Variants in VIPAS39 observed in about 807,000 individuals in gnomAD.
The protein encoded by VIPAS39 is spermatogenesis-defective protein 39 homolog.
VIPAS39 carries 63 observed loss-of-function variants against 84.7 expected under a neutral mutation model. That is an observed-to-expected ratio of 0.74 (90% CI 0.61 to 0.92). The LOEUF (loss-of-function observed/expected upper bound fraction) is 0.92. VIPAS39 is among the 40% of genes least tolerant of loss of function. The pLI, the probability that VIPAS39 is intolerant of heterozygous loss-of-function variation, is 0.00. For missense variants in VIPAS39, 499 were observed against 604.5 expected (o/e 0.83, Z 1.83); for synonymous variants, 192 against 216.5 (o/e 0.89, Z 0.99).
At chr14:77,434,155 T>G in intron 15 of VIPAS39, 107 bp downstream of exon 15, 1 of 1,312,408 alleles carries the variant, frequency 7.6e-7, no homozygotes, top group South Asian at 1.2e-5. Flanking sequence ...CTTTCCACCT[T>G]TAACCTTGAA....
chr14:77,444,998 G>A (rs137889693), intron 7 of VIPAS39, among the ~76,000 whole-genome samples: 2,956 of 145,740 alleles, frequency 0.02, 51 homozygotes, highest in Middle Eastern at 0.05. Flanking sequence ...TCGCTCTGTC[G>A]CCCAGGTTGG....
intron 16 of VIPAS39, among the ~76,000 whole-genome samples, chr14:77,432,992 CT>C (rs2078547431): frequency 6.6e-6 from 1 of 151,708 alleles, no homozygotes; most frequent in Non-Finnish European, 1.5e-5. Context: ...TATGTTGTAC[CT>C]TAAATATATA....
intron 4 of VIPAS39, 124 bp from the exon 5 acceptor site, chr14:77,449,876 G>T: frequency 8.6e-7 from 1 of 1,168,548 alleles, no homozygotes; most frequent in Non-Finnish European, 1.3e-6. Flanking sequence ...GCTTAAAAAA[G>T]GTTTTATTCA....
In VIPAS39 at chr14:77,426,880, C is replaced by CAA. The variant is rs751156013; in HGVS notation, c.*735_*736insTT. The CAA allele has an allele frequency of 2.0e-5, 3 of 152,168 alleles. No homozygotes were observed. Among genetic ancestry groups the CAA allele is most frequent in the African/African-American group, 4.8e-5 (2 of 41,436 alleles). The allele number at this position is 152,168 out of a possible 1,614,324, so 9.4% of individuals were successfully genotyped here. A position where few individuals can be genotyped will look rare whatever the true frequency, so the allele number is the denominator to read the frequency against. On this transcript the variant is annotated 3_prime_UTR_variant, in exon 20 of 20. Transcript: ENST00000557658. ...AGCTCCTGGTGAAATGAGATTTTTG[C>CAA]ATAAAGAGAGAGCTCTCCAGCACTG...
At chr14:77,448,198 C>G (rs922763142) in intron 7 of VIPAS39, among the ~76,000 whole-genome samples, 1 of 152,072 alleles carries the variant, frequency 6.6e-6, no homozygotes, top group African/African-American at 2.4e-5. Flanking sequence ...TCGTGATCCA[C>G]CCTCCTCGGC....
chr14:77,454,512 T>A (rs897273933), intron 1 of VIPAS39, among the ~76,000 whole-genome samples: 99 of 152,086 alleles, frequency 6.5e-4, no homozygotes, highest in African/African-American at 2.3e-3. Context: ...CCGTCTCTAC[T>A]AAAAATACAA....
At chr14:77,431,162 G>C (rs532896795) in intron 16 of VIPAS39, among the ~76,000 whole-genome samples, 1 of 152,218 alleles carries the variant, frequency 6.6e-6, no homozygotes, top group East Asian at 1.9e-4. Flanking sequence ...CAAAGGCTCA[G>C]GCTACAAAAG....
chr14:77,435,306 C>T lies in VIPAS39; in HGVS notation c.1000G>A (p.Val334Met). ...AAGCAGGAGTAGAAAAGTGTTGTCA[C>T]TAGTGGCATGTTGAGGATGGAGGCT... is the stretch of plus-strand genomic sequence containing the variant. ...RKASILNMPL[V>M]TTLFYSCFYH... Residue 334 changes from valine (V) to methionine (M), a missense_variant, in exon 14 of 20, where the codon GTG (valine) becomes ATG (methionine). Physicochemically the swap from Val to Met is conservative, Grantham distance 21. Coordinates refer to ENST00000557658, the MANE Select transcript of VIPAS39 (RefSeq NM_001193315.2). The T allele has an allele frequency of 6.2e-7, 1 of 1,613,538 alleles. No individual in the cohort carries two copies. Among genetic ancestry groups the T allele is most frequent in the Non-Finnish European group, 8.5e-7 (1 of 1,179,940 alleles).
intron 7 of VIPAS39, among the ~76,000 whole-genome samples, chr14:77,447,269 C>G (rs995714657): frequency 2.6e-5 from 4 of 151,854 alleles, no homozygotes; most frequent in African/African-American, 9.7e-5. Context: ...AGGTGATCTG[C>G]CTGTCTTGGC....
rs192740280 is a variant in VIPAS39, at chr14:77,434,976, T to C, written c.1047+283A>G. Among the ~76,000 whole-genome samples, 86 of 151,938 alleles carry C rather than the reference T, an allele frequency of 5.7e-4. 1 individual carries two copies. The highest frequency in any genetic ancestry group is 1.8e-3 in the African/African-American group (75 of 41,434). ...CTCCACATCATGCTAATCCATTTGA[T>C]ATTGTGGACCTTTGAACAGAGACTT... On this transcript the variant is annotated intron_variant, in intron 14 of 19. Coordinates refer to ENST00000557658, the MANE Select transcript of VIPAS39 (RefSeq NM_001193315.2).
At chr14:77,448,414 A>T in intron 7 of VIPAS39, 80 bp downstream of exon 7, 1 of 1,339,580 alleles carries the variant, frequency 7.5e-7, no homozygotes, top group South Asian at 1.2e-5. Context: ...ATGAGAACTG[A>T]AGAGAGGTCA....
At chr14:77,451,116 G>T in intron 4 of VIPAS39, 71 bp downstream of exon 4, 1 of 1,605,848 alleles carries the variant, frequency 6.2e-7, no homozygotes, top group Non-Finnish European at 8.5e-7. Flanking sequence ...CAAAGTAAAT[G>T]AAAATTATGG....
At chr14:77,445,263 T>C (rs1469378223) in intron 7 of VIPAS39, among the ~76,000 whole-genome samples, 1 of 152,232 alleles carries the variant, frequency 6.6e-6, no homozygotes, top group East Asian at 1.9e-4. Flanking sequence ...CCAGCCAGTA[T>C]CTCATAGTTT....
intron 18 of VIPAS39, among the ~76,000 whole-genome samples, 192 bp from the exon 19 acceptor site, chr14:77,428,666 A>G (rs546098133): frequency 2.0e-5 from 3 of 152,258 alleles, no homozygotes; most frequent in South Asian, 4.1e-4. Flanking sequence ...CTTTGACCCA[A>G]CGCTCAAGGA....
At chr14:77,447,821 C>T (rs945838643) in intron 7 of VIPAS39, among the ~76,000 whole-genome samples, 3 of 151,802 alleles carry the variant, frequency 2.0e-5, no homozygotes, top group Admixed American at 2.0e-4. Context: ...CCACCACGCC[C>T]GCCTAATTTT....
At chr14:77,438,975 A>G (rs2078658277) in intron 11 of VIPAS39, among the ~76,000 whole-genome samples, 1 of 152,260 alleles carries the variant, frequency 6.6e-6, no homozygotes, top group Admixed American at 6.5e-5. Flanking sequence ...GTTCATATAA[A>G]ATAGTTGGTA....
chr14:77,433,121 T>C (rs932895975), intron 16 of VIPAS39, among the ~76,000 whole-genome samples: 3 of 152,164 alleles, frequency 2.0e-5, no homozygotes, highest in Non-Finnish European at 4.4e-5. Flanking sequence ...AAAGTAGCTA[T>C]AAATAACTAA....
At chr14:77,435,194 T>C in intron 14 of VIPAS39, 65 bp downstream of exon 14, 1 of 1,608,464 alleles carries the variant, frequency 6.2e-7, no homozygotes, top group Non-Finnish European at 8.5e-7. Flanking sequence ...ATAAAAGTAC[T>C]GGATTTGAAC....
chr14:77,429,205 T>C, intron 17 of VIPAS39, 110 bp from the exon 18 acceptor site: 1 of 888,724 alleles, frequency 1.1e-6, no homozygotes, highest in Non-Finnish European at 1.8e-6. Flanking sequence ...ATAGCTAATG[T>C]TTCCAGTTTC....
Sources: gnomAD v4.1 joint callset for allele counts (sites outside exome capture counted in the v4.1 genomes callset) on GRCh38, gnomAD v4.1.1 for gene constraint, MANE v1.5 for transcripts, NCBI Gene and HGNC (gene_info 2026-07-23, HGNC 2026-07-21) for gene names.